LPCAT3: variants seen among roughly 807,000 people sequenced by gnomAD.
LPCAT3 encodes lysophospholipid acyltransferase 5.
Under a neutral mutation model 63.4 loss-of-function variants are expected in LPCAT3, and 21 were observed. The ratio of observed to expected loss-of-function variants is 0.33; its 90% CI spans 0.23 to 0.48. The LOEUF (loss-of-function observed/expected upper bound fraction) is 0.48. Among genes scored for constraint, LPCAT3 ranks in the 20% least tolerant of loss-of-function variants. The pLI is 0.99. For missense variants in LPCAT3, 451 were observed against 590.6 expected (o/e 0.76, Z 2.45); for synonymous variants, 242 against 227.5 (o/e 1.06, Z -0.58).
At position 6,976,653 on chromosome 12, in the gene LPCAT3, G is replaced by A. The variant is rs1047123643; in HGVS notation, c.*251C>T. 2 of 154,072 alleles carry A rather than the reference G, an allele frequency of 1.3e-5. No homozygotes were observed. Among genetic ancestry groups the A allele is most frequent in the Admixed American group, 6.4e-5 (1 of 15,604 alleles). 9.5% of individuals were successfully genotyped at this position (154,072 alleles called of 1,614,324 possible). A position where few individuals can be genotyped will look rare whatever the true frequency, so the allele number is the denominator to read the frequency against. On this transcript the variant is annotated 3_prime_UTR_variant, in exon 13 of 13. Coordinates refer to ENST00000261407, the MANE Select transcript of LPCAT3 (RefSeq NM_005768.6). Reference sequence around the variant, plus strand: ...CAGGAAAATCACTTGAACCCAGGAGGTGGAGGTTGCGGTGAGCTGAGATCC... The same window carrying A: ...CAGGAAAATCACTTGAACCCAGGAGATGGAGGTTGCGGTGAGCTGAGATCC...
At chr12:6,981,718 T>A in intron 4 of LPCAT3, 86 bp from the exon 5 acceptor site, 1 of 285,272 alleles carries the variant, frequency 3.5e-6, no homozygotes, top group Non-Finnish European at 6.4e-6. Flanking sequence ...CAGAAGTGTA[T>A]GGCGGGGGGC....
intron 1 of LPCAT3, chr12:6,988,189 G>A (rs74374779): frequency 3.4e-5 from 6 of 178,728 alleles, no homozygotes; most frequent in East Asian, 2.8e-4. Context: ...AGGAGGGGAC[G>A]TTGTTGAGTT....
intron 1 of LPCAT3, among the ~76,000 whole-genome samples, chr12:7,005,209 C>CT (rs1946717911): frequency 6.6e-6 from 1 of 152,186 alleles, no homozygotes. Flanking sequence ...CCATTTGTGT[C>CT]TGGCTTGTTT....
intron 1 of LPCAT3, among the ~76,000 whole-genome samples, chr12:7,003,209 T>G (rs1040837261): frequency 1.3e-5 from 2 of 152,090 alleles, no homozygotes; most frequent in Non-Finnish European, 2.9e-5. Flanking sequence ...ACCATTTTAT[T>G]TGGTTATTAA....
At chr12:6,978,147 C>T (rs1399056950) in intron 9 of LPCAT3, 194 bp downstream of exon 9, 3 of 662,146 alleles carry the variant, frequency 4.5e-6, no homozygotes, top group South Asian at 2.0e-5. Context: ...TATATCTTGC[C>T]TTTTTTTCAA....
At position 6,978,704 on chromosome 12, in the gene LPCAT3, G is replaced by A; in HGVS notation, c.787-15C>T. 1.2e-6 allele frequency: 2 copies of A among 1,613,942 alleles called. No individual in the cohort carries two copies. The highest frequency in any genetic ancestry group is 8.5e-7 in the Non-Finnish European group (1 of 1,179,924). The stretch of plus-strand genomic sequence containing the variant: ...AAGGGGTGGTTCTTGAGGGAAGAAA[G>A]CACAGTGCATTAGGGATATCACATG... On this transcript the variant is annotated splice_polypyrimidine_tract_variant and intron_variant, in intron 7 of 12. Transcript: ENST00000261407.
At chr12:6,981,255 C>G in intron 5 of LPCAT3, 73 bp from the exon 6 acceptor site, 3 of 1,235,928 alleles carry the variant, frequency 2.4e-6, no homozygotes. Context: ...GAGTGTTCCC[C>G]ACCTGTGTGC....
intron 12 of LPCAT3, 83 bp from the exon 13 acceptor site, chr12:6,976,974 T>C (rs1338173997): frequency 1.6e-6 from 1 of 607,586 alleles, no homozygotes; most frequent in Non-Finnish European, 3.0e-6. Flanking sequence ...TTTCCTAGCA[T>C]GCCTCAATAA....
rs1164512684 is a variant in LPCAT3, at chr12:6,987,049, G to A, written c.152-3510C>T. Among the ~76,000 whole-genome samples the A allele has an allele frequency of 6.6e-6, 1 of 151,882 alleles. No homozygotes were observed. On this transcript the variant is annotated intron_variant, in intron 1 of 12. Transcript: ENST00000261407. This position sits in a 1 kb window ranked among gnomAD's most constrained non-coding sequence, Gnocchi z 4.1. ...AATTGCTTGAACCCAGGAGGCGGAG[G>A]TGGCAGTGAGCTGAGATCACGCCAT...
chr12:6,981,746 G>T, intron 4 of LPCAT3, 65 bp downstream of exon 4: 1 of 1,468,244 alleles, frequency 6.8e-7, no homozygotes, highest in South Asian at 1.1e-5. Context: ...GGGTGCCGAG[G>T]AAGTTTTTAG....
At chr12:6,988,147 T>C (rs1253173853) in intron 1 of LPCAT3, 1 of 233,720 alleles carries the variant, frequency 4.3e-6, no homozygotes, top group Non-Finnish European at 8.2e-6. Context: ...AGAGGCCTTG[T>C]GTGCTATTTC....
chr12:6,985,973 C>T (rs1946521698), intron 1 of LPCAT3, among the ~76,000 whole-genome samples: 1 of 151,978 alleles, frequency 6.6e-6, no homozygotes. Flanking sequence ...CGGTATTTCA[C>T]CATGTTGGCC....
chr12:6,999,916 C>CTTTTT (rs782553121), intron 1 of LPCAT3, among the ~76,000 whole-genome samples: 134 of 114,506 alleles, frequency 1.2e-3, no homozygotes, highest in Non-Finnish European at 1.4e-3. Flanking sequence ...TACTTACATT[C>CTTTTT]TTTTTTTTTT....
intron 1 of LPCAT3, 118 bp from the exon 2 acceptor site, chr12:6,983,657 T>C (rs1946494410): frequency 1.5e-6 from 1 of 669,718 alleles, no homozygotes. Context: ...AAAAACAACA[T>C]ACATTATATG....
At chr12:7,004,698 T>C (rs1946714411) in intron 1 of LPCAT3, among the ~76,000 whole-genome samples, 1 of 152,248 alleles carries the variant, frequency 6.6e-6, no homozygotes, top group East Asian at 1.9e-4. Context: ...TTTGACTTTA[T>C]AGAACCTTCT....
At chr12:6,982,825 C>A (rs1555154321) in intron 2 of LPCAT3, 43 bp from the exon 3 acceptor site, 3 of 1,324,950 alleles carry the variant, frequency 2.3e-6, no homozygotes, top group Non-Finnish European at 3.3e-6. Flanking sequence ...TTTACACTCC[C>A]ACCGTCCTGA....
intron 1 of LPCAT3, among the ~76,000 whole-genome samples, chr12:6,991,145 T>C (rs368748447): frequency 2.6e-5 from 4 of 152,332 alleles, no homozygotes; most frequent in African/African-American, 9.6e-5. Flanking sequence ...TCTGACTTAA[T>C]AGAAGATGAC....
chr12:6,991,826 T>C (rs1555155519), intron 1 of LPCAT3, among the ~76,000 whole-genome samples: 1 of 152,204 alleles, frequency 6.6e-6, no homozygotes, highest in East Asian at 1.9e-4. Flanking sequence ...CTTTTCCTTG[T>C]GACAACCACC....
At chr12:6,985,364 C>G (rs1422746986) in intron 1 of LPCAT3, among the ~76,000 whole-genome samples, 1 of 151,366 alleles carries the variant, frequency 6.6e-6, no homozygotes, top group Non-Finnish European at 1.5e-5. Context: ...CCACTGCACT[C>G]CAGCCTGGGC....
Sources: allele counts gnomAD v4.1 joint callset (sites outside exome capture counted in the v4.1 genomes callset), GRCh38; gene constraint gnomAD v4.1.1; non-coding constraint Gnocchi (gnomAD v3.1); transcripts MANE v1.5; gene names NCBI Gene and HGNC (gene_info 2026-07-23, HGNC 2026-07-21).